Variants in MAML3 observed in about 807,000 individuals in gnomAD.
The protein encoded by MAML3 is mastermind like transcriptional coactivator 3.
In MAML3, 27 loss-of-function variants were observed where a neutral mutation model predicts 101.9. That is an observed-to-expected ratio of 0.27 (90% confidence interval 0.20 to 0.37). The LOEUF is 0.37. MAML3 is among the 10% of genes least tolerant of loss of function. MAML3 has a pLI of 1.00. For missense variants in MAML3, 1,316 were observed against 1,444.9 expected, an observed-to-expected ratio of 0.91 and a Z score of 1.45; for synonymous variants, 501 against 555.9, an observed-to-expected ratio of 0.90 and a Z score of 1.39.
chr4:139,861,477 ATGTGTGTGTGTGTGTG>A (rs55851938), intron 2 of MAML3, among the ~76,000 whole-genome samples: 10 of 146,394 alleles, frequency 6.8e-5, no homozygotes, highest in African/African-American at 2.6e-4. Context: ...TAACCAGCCG[ATGTGTGTGTGTGTGTG>A]TGTGTGTGTG....
chr4:139,806,005 C>G (rs1730693949), intron 2 of MAML3, among the ~76,000 whole-genome samples: 1 of 152,082 alleles, frequency 6.6e-6, no homozygotes, highest in Non-Finnish European at 1.5e-5. Context: ...CACCTTGCAA[C>G]TATACCAAAA....
intron 1 of MAML3, among the ~76,000 whole-genome samples, chr4:139,896,843 G>A (rs1253140460): frequency 6.6e-6 from 1 of 152,164 alleles, no homozygotes; most frequent in Non-Finnish European, 1.5e-5. Flanking sequence ...TGTGCTGGCT[G>A]GATGGTTCTA....
intron 1 of MAML3, among the ~76,000 whole-genome samples, chr4:140,006,162 A>G (rs1458730371): frequency 6.6e-6 from 1 of 152,174 alleles, no homozygotes; most frequent in African/African-American, 2.4e-5. Context: ...ATGAGAACAC[A>G]TAAGATGCCA....
intron 1 of MAML3, among the ~76,000 whole-genome samples, chr4:140,089,334 C>G (rs1326393045): frequency 6.6e-6 from 1 of 152,116 alleles, no homozygotes; most frequent in Admixed American, 6.5e-5. Flanking sequence ...GAATGGAAAC[C>G]CCCCCTTGAC....
chr4:139,828,257 T>C (rs915471131), intron 2 of MAML3, among the ~76,000 whole-genome samples: 1 of 152,256 alleles, frequency 6.6e-6, no homozygotes, highest in Non-Finnish European at 1.5e-5. Context: ...AAAGCCTTGA[T>C]GTTAGGACAC....
At chr4:139,950,814 C>T (rs1320563195) in intron 1 of MAML3, among the ~76,000 whole-genome samples, 1 of 152,188 alleles carries the variant, frequency 6.6e-6, no homozygotes, top group Non-Finnish European at 1.5e-5. Flanking sequence ...GTCCTCCAGC[C>T]AAGCTCTGCC....
Position 139,720,122 on chromosome 4 carries a change from T to C in MAML3, c.2618A>G (p.Asn873Ser). ...CATTTGGGTCATGCCTGTGCTCATA[T>C]TGTACATTCCTGGTTGGCTGGTAGG... Reference protein sequence around the residue: ...TTPTSQPGMYNMSTGMTQMLQ... With the variant: ...TTPTSQPGMYSMSTGMTQMLQ... The change falls in exon 5 of 5, where the codon AAT becomes AGT. Residue 873 changes from asparagine (N) to serine (S), a missense_variant. Asn to Ser is a conservative substitution (Grantham distance 46). Coordinates refer to ENST00000509479, the MANE Select transcript of MAML3 (RefSeq NM_018717.5). 2 of 1,614,102 alleles carry C rather than the reference T, an allele frequency of 1.2e-6. No individual in the cohort carries two copies. Among genetic ancestry groups the C allele is most frequent in the Non-Finnish European group, 1.7e-6 (2 of 1,179,910 alleles).
rs541858102 is a variant in MAML3 at position 140,146,194 on chromosome 4, A to AC, written c.468+6665_468+6666insG. On this transcript the variant is annotated intron_variant, in intron 1 of 4. Coordinates refer to ENST00000509479, the MANE Select transcript of MAML3 (RefSeq NM_018717.5). ...GGCCACCTTTTGAGATTTTTTAATT[A>AC]AATTTCTCCAAGAATAGTATACACA... Among the ~76,000 whole-genome samples the AC allele has an allele frequency of 1.1e-4, 16 of 152,144 alleles. No homozygotes were observed. In the South Asian group the frequency reaches 2.9e-3, roughly 28 times the overall value.
intron 2 of MAML3, among the ~76,000 whole-genome samples, chr4:139,756,277 C>T (rs1729649319): frequency 6.6e-6 from 1 of 152,096 alleles, no homozygotes; most frequent in Non-Finnish European, 1.5e-5. Flanking sequence ...ATGATGTGCA[C>T]TGATAAAACA....
chr4:140,005,230 G>A (rs1262870319), intron 1 of MAML3, among the ~76,000 whole-genome samples: 2 of 152,194 alleles, frequency 1.3e-5, no homozygotes, highest in South Asian at 2.1e-4. Flanking sequence ...TCTGGAGCAG[G>A]TTGATTCACT....
intron 1 of MAML3, among the ~76,000 whole-genome samples, chr4:140,019,674 A>T (rs961601605): frequency 7.9e-5 from 12 of 152,024 alleles, no homozygotes; most frequent in Non-Finnish European, 1.5e-5. Flanking sequence ...AGAAAACAAC[A>T]CCTCATCTAA....
At chr4:139,983,716 T>C (rs756122261) in intron 1 of MAML3, among the ~76,000 whole-genome samples, 1 of 152,138 alleles carries the variant, frequency 6.6e-6, no homozygotes. Flanking sequence ...TTTGGTAACA[T>C]GGAAAACAGT....
intron 1 of MAML3, among the ~76,000 whole-genome samples, chr4:140,077,500 G>C (rs1167707318): frequency 6.6e-6 from 1 of 152,132 alleles, no homozygotes; most frequent in African/African-American, 2.4e-5. Flanking sequence ...AAACAGATTA[G>C]AATTCAAATT....
At chr4:139,992,607 C>A (rs1734701881) in intron 1 of MAML3, among the ~76,000 whole-genome samples, 1 of 152,104 alleles carries the variant, frequency 6.6e-6, no homozygotes, top group South Asian at 2.1e-4. Flanking sequence ...CTCACTGCAA[C>A]CTCTGCCTCC....
At chr4:140,146,485 G>C (rs1729067116) in intron 1 of MAML3, among the ~76,000 whole-genome samples, 1 of 151,886 alleles carries the variant, frequency 6.6e-6, no homozygotes. Context: ...TATTTCTTTT[G>C]TTCTTTAAAC....
At chr4:139,983,884 A>G (rs1734488052) in intron 1 of MAML3, among the ~76,000 whole-genome samples, 1 of 152,194 alleles carries the variant, frequency 6.6e-6, no homozygotes, top group South Asian at 2.1e-4. Context: ...GTTTTACTCC[A>G]GTGATGTTCA....
At chr4:139,818,523 T>C (rs950222085) in intron 2 of MAML3, among the ~76,000 whole-genome samples, 3 of 152,228 alleles carry the variant, frequency 2.0e-5, no homozygotes, top group Non-Finnish European at 4.4e-5. Flanking sequence ...TACTCATGAC[T>C]ATTTTACTTA....
rs70943471 is a variant in MAML3, at chr4:140,060,365, CAAAAA to C, written c.468+92490_468+92494del. ...TGGGCGACAGAGTAAGACTCTGTCT[CAAAAA>C]AAAAAAAAAAAAAAAGTCACAAGCC... On this transcript the variant is annotated intron_variant, in intron 1 of 4. Coordinates refer to ENST00000509479, the MANE Select transcript of MAML3 (RefSeq NM_018717.5). Among the ~76,000 whole-genome samples the C allele has an allele frequency of 5.8e-4, 11 of 19,126 alleles. 1 individual carries two copies. Among genetic ancestry groups the C allele is most frequent in the African/African-American group, 1.4e-3 (8 of 5,634 alleles). The allele number at this position is 19,126 out of a possible 152,430, so 12.5% of individuals were successfully genotyped here. A position where few individuals can be genotyped will look rare whatever the true frequency, so the allele number is the denominator to read the frequency against.
chr4:140,032,465 T>G (rs914899569), intron 1 of MAML3, among the ~76,000 whole-genome samples: 1 of 152,230 alleles, frequency 6.6e-6, no homozygotes, highest in African/African-American at 2.4e-5. Context: ...TAATTGGTTT[T>G]AGTAAACCAG....
Sources: allele counts gnomAD v4.1 joint callset (sites outside exome capture counted in the v4.1 genomes callset), GRCh38; gene constraint gnomAD v4.1.1; transcripts MANE v1.5; gene names NCBI Gene and HGNC (gene_info 2026-07-23, HGNC 2026-07-21).